AK9: variants seen among roughly 807,000 people sequenced by gnomAD.
AK9 encodes the protein adenylate kinase domain containing 1.
A neutral mutation model predicts 239.6 loss-of-function variants in AK9; 191 were observed. The ratio of observed to expected loss-of-function variants is 0.80; its 90% CI spans 0.71 to 0.90. The LOEUF (loss-of-function observed/expected upper bound fraction) is 0.90. AK9 is among the 40% of genes least tolerant of loss of function. AK9 has a pLI of 0.00. For synonymous variants in AK9, 689 were observed against 721.0 expected, an observed-to-expected ratio of 0.96 and a Z score of 0.71; for missense variants, 1,995 against 2,214.7, an observed-to-expected ratio of 0.90 and a Z score of 1.99.
intron 17 of AK9, among the ~76,000 whole-genome samples, chr6:109,602,302 A>G (rs377125411): frequency 2.1e-4 from 32 of 152,190 alleles, no homozygotes; most frequent in Middle Eastern, 3.4e-3. Flanking sequence ...TTGCTTGTCT[A>G]TAAAGGATTT....
In AK9 at chr6:109,609,847, C is replaced by T. The variant is rs183211667; in HGVS notation, c.1842+518G>A. On this transcript the variant is annotated intron_variant, in intron 17 of 40. Transcript: ENST00000424296. ...ATATGAATATCCTGTTCTTTATAAA[C>T]AAACAGTAGGCCTTCTGATCTGCCA... 1.9e-4 allele frequency among the ~76,000 whole-genome samples: 29 copies of T among 152,288 alleles called. No individual in the cohort carries two copies. In the East Asian group the frequency reaches 3.9e-3, roughly 20 times the overall value.
intron 27 of AK9, 62 bp from the exon 28 acceptor site, chr6:109,533,532 A>T: frequency 7.5e-7 from 1 of 1,339,142 alleles, no homozygotes; most frequent in Non-Finnish European, 1.0e-6. Context: ...TGTGTTCATT[A>T]ATTTGACTGT....
At chr6:109,512,548 G>A (rs1216202984) in intron 32 of AK9, among the ~76,000 whole-genome samples, 1 of 152,172 alleles carries the variant, frequency 6.6e-6, no homozygotes, top group African/African-American at 2.4e-5. Flanking sequence ...CTTTTGTCAT[G>A]TTAAGAACTT....
chr6:109,615,210 T>C (rs1175774288), intron 13 of AK9, among the ~76,000 whole-genome samples: 1 of 151,640 alleles, frequency 6.6e-6, no homozygotes, highest in South Asian at 2.1e-4. Flanking sequence ...CTCCAATCAC[T>C]GTCTGCCCCA....
At chr6:109,682,328 G>A (rs1232651794) in intron 1 of AK9, among the ~76,000 whole-genome samples, 1 of 150,180 alleles carries the variant, frequency 6.7e-6, no homozygotes, top group Admixed American at 6.7e-5. Context: ...TTGGGAGGCT[G>A]AGGCAGGAGA....
intron 1 of AK9, among the ~76,000 whole-genome samples, chr6:109,676,773 T>C (rs541329749): frequency 3.3e-5 from 5 of 152,218 alleles, no homozygotes; most frequent in African/African-American, 7.2e-5. Flanking sequence ...AACAAGATCA[T>C]GTCCTTTGCA....
intron 12 of AK9, among the ~76,000 whole-genome samples, chr6:109,623,874 C>A (rs1161143229): frequency 2.1e-5 from 3 of 146,326 alleles, no homozygotes; most frequent in African/African-American, 7.9e-5. Context: ...CACACACACA[C>A]ACACACACAC....
rs899659251 is a variant in AK9, at chr6:109,620,881, A to G, written c.1255-1645T>C. Among the ~76,000 whole-genome samples, 4 of 151,662 alleles carry G rather than the reference A, an allele frequency of 2.6e-5. No homozygotes were observed. In the Admixed American group the frequency reaches 2.6e-4, roughly 10 times the overall value. ...TATACATATACAAACATATACATATATATGTATATACTTGCTGATAAGAGC... is the reference window on the plus strand; with the variant it reads ...TATACATATACAAACATATACATATGTATGTATATACTTGCTGATAAGAGC... On this transcript the variant is annotated intron_variant, in intron 12 of 40. Transcript: ENST00000424296.
At chr6:109,532,481 C>T (rs1215415719) in intron 28 of AK9, among the ~76,000 whole-genome samples, 4 of 152,174 alleles carry the variant, frequency 2.6e-5, no homozygotes, top group South Asian at 2.1e-4. Context: ...CAGGGCATGT[C>T]ATGTAAATGG....
In AK9 at chr6:109,614,254, A is replaced by AC; in HGVS notation, c.1537dup (p.Val513GlyfsTer16). 6.4e-7 allele frequency: 1 copy of AC among 1,551,438 alleles called. No individual in the cohort carries two copies. Among genetic ancestry groups the AC allele is most frequent in the Non-Finnish European group, 8.7e-7 (1 of 1,146,772 alleles). On this transcript the variant is annotated frameshift_variant, in exon 15 of 41. Transcript: ENST00000424296. LOFTEE classifies it high-confidence loss of function. ...CTTTGTTTTGGCTTCTTCGGTGTCC[A>AC]CTAAAGAGCTGCCTCTGTCCCTTTG... is the stretch of plus-strand genomic sequence containing the variant.
Position 109,610,514 on chromosome 6 carries a change from C to T in AK9, c.1694-1G>A. On this transcript the variant is annotated splice_acceptor_variant, in intron 16 of 40. Coordinates refer to ENST00000424296, the MANE Select transcript of AK9 (RefSeq NM_001145128.3). LOFTEE classifies it high-confidence loss of function. ...TCTTCTATCAAGTCTTCTGTTGGGG[C>T]TAAAGTAAAATAAGCTGATAAATTA... 1 of 1,549,030 alleles carries T rather than the reference C, an allele frequency of 6.5e-7. No homozygotes were observed.
chr6:109,670,921 C>T (rs550735129), intron 5 of AK9, among the ~76,000 whole-genome samples: 4 of 151,962 alleles, frequency 2.6e-5, no homozygotes, highest in African/African-American at 9.6e-5. Flanking sequence ...ACCTTATCTA[C>T]TTATAATGTA....
intron 3 of AK9, among the ~76,000 whole-genome samples, 184 bp from the exon 4 acceptor site, chr6:109,672,351 T>C (rs2128336898): frequency 6.6e-6 from 1 of 152,286 alleles, no homozygotes; most frequent in South Asian, 2.1e-4. Context: ...GCAGAATGTC[T>C]TCCATAGAGA....
At chr6:109,641,809 C>T (rs1797487872) in intron 9 of AK9, among the ~76,000 whole-genome samples, 193 bp from the exon 10 acceptor site, 1 of 152,192 alleles carries the variant, frequency 6.6e-6, no homozygotes, top group Non-Finnish European at 1.5e-5. Flanking sequence ...CAATCTCTGC[C>T]TCTGTTGTCA....
chr6:109,602,586 C>T (rs1215672523), intron 17 of AK9, among the ~76,000 whole-genome samples: 2 of 152,012 alleles, frequency 1.3e-5, no homozygotes, highest in South Asian at 2.1e-4. Flanking sequence ...ATCTTTGTGG[C>T]GTTCTCTGTA....
chr6:109,581,704 G>A (rs532558492), intron 19 of AK9, among the ~76,000 whole-genome samples: 41 of 152,324 alleles, frequency 2.7e-4, no homozygotes, highest in African/African-American at 9.6e-4. Flanking sequence ...AAGTGCTGAT[G>A]TAGGAGCTGC....
chr6:109,519,174 G>A lies in AK9; in HGVS notation c.3634-2532C>T, dbSNP rs554577802. Among the ~76,000 whole-genome samples the A allele has an allele frequency of 3.3e-5, 5 of 152,162 alleles. No individual in the cohort carries two copies. The South Asian group carries it at 6.2e-4, about 19-fold the overall frequency. ...TTTTTATGGTCATGTAGTATTCTAC[G>A]GTATTATACATATGTAGCACATTTC... On this transcript the variant is annotated intron_variant, in intron 29 of 40. Coordinates refer to ENST00000424296, the MANE Select transcript of AK9 (RefSeq NM_001145128.3).
rs1224717842 is a variant in AK9 at position 109,533,592 on chromosome 6, T to C, written c.3351-122A>G. On this transcript the variant is annotated intron_variant, in intron 27 of 40. Transcript: ENST00000424296. ...AAGTCATCATTACACCTTGAATATA[T>C]ACATTCTTTACTTGTCAATGACATA... 6.3e-6 allele frequency: 4 copies of C among 638,674 alleles called. 1 individual carries two copies. The highest frequency in any genetic ancestry group is 9.4e-6 in the Non-Finnish European group (4 of 425,536). The allele number at this position is 638,674 out of a possible 1,614,324, so 39.6% of individuals were successfully genotyped here. A position where few individuals can be genotyped will look rare whatever the true frequency, so the allele number is the denominator to read the frequency against.
Position 109,542,108 on chromosome 6 carries a change from G to C in AK9, c.3289C>G (p.Pro1097Ala), listed in dbSNP as rs1220789269. 8 of 1,608,788 alleles carry C rather than the reference G, an allele frequency of 5.0e-6. No homozygotes were observed. The highest frequency in any genetic ancestry group is 2.7e-5 in the African/African-American group (2 of 74,738). The change falls in exon 27 of 41, where the codon CCC becomes GCC. Residue 1097 changes from proline (P) to alanine (A), a missense_variant. Physicochemically the swap from Pro to Ala is conservative, Grantham distance 27. This residue lies in a region of AK9 where 1,290 missense variants were observed against 1,392.7 expected (regional missense o/e 0.93). Transcript: ENST00000424296. ...VIKSSLMENEPLPPEILEVIL... is the reference protein window; with the variant it reads ...VIKSSLMENEALPPEILEVIL... ...ACTTCAAGAATTTCAGGAGGCAAGG[G>C]CTCATTTTCCATTAGACTTGATTTG...
Sources: allele counts gnomAD v4.1 joint callset (sites outside exome capture counted in the v4.1 genomes callset), GRCh38; gene constraint gnomAD v4.1.1; regional missense constraint gnomAD v4.1.1; transcripts MANE v1.5; gene names NCBI Gene and HGNC (gene_info 2026-07-23, HGNC 2026-07-21).